IMMP2L: variants seen among roughly 807,000 people sequenced by gnomAD.
IMMP2L encodes inner mitochondrial membrane peptidase subunit 2.
In IMMP2L, 18 loss-of-function variants were observed where a neutral mutation model predicts 19.3. The observed-to-expected ratio is 0.93, with a 90% CI of 0.64 to 1.38. The LOEUF (loss-of-function observed/expected upper bound fraction) is 1.38. IMMP2L is among the 40% of genes most tolerant of loss of function. The pLI is 0.00. For synonymous variants in IMMP2L, 76 were observed against 73.0 expected, an observed-to-expected ratio of 1.04 and a Z score of -0.21; for missense variants, 233 against 218.2, an observed-to-expected ratio of 1.07 and a Z score of -0.43.
intron 3 of IMMP2L, among the ~76,000 whole-genome samples, chr7:111,128,521 T>C (rs1240339873): frequency 6.6e-6 from 1 of 152,196 alleles, no homozygotes; most frequent in African/African-American, 2.4e-5. Flanking sequence ...TTCTTTAGAC[T>C]GGCTAAATTA....
intron 4 of IMMP2L, among the ~76,000 whole-genome samples, chr7:110,925,655 T>C (rs563373545): frequency 6.6e-6 from 1 of 152,178 alleles, no homozygotes; most frequent in South Asian, 2.1e-4. Context: ...GGCTATTAAG[T>C]AGTCCATGTA....
chr7:110,672,983 G>C (rs907981737), intron 5 of IMMP2L, among the ~76,000 whole-genome samples: 11 of 152,188 alleles, frequency 7.2e-5, no homozygotes, highest in Non-Finnish European at 1.3e-4. Flanking sequence ...AGTTCCACTA[G>C]GCAGTGCCCC....
chr7:110,818,175 C>T (rs1163018670), intron 5 of IMMP2L, among the ~76,000 whole-genome samples: 1 of 151,994 alleles, frequency 6.6e-6, no homozygotes, highest in African/African-American at 2.4e-5. Flanking sequence ...AGTGAACAGG[C>T]AACCTACAAA....
At position 110,758,968 on chromosome 7, in the gene IMMP2L, C is replaced by G. The variant is rs369131216; in HGVS notation, c.409-95247G>C. On this transcript the variant is annotated intron_variant, in intron 5 of 5. Coordinates refer to ENST00000405709, the MANE Select transcript of IMMP2L (RefSeq NM_032549.4). This position sits in a 1 kb window ranked among gnomAD's most constrained non-coding sequence, Gnocchi z 4.6. The stretch of plus-strand genomic sequence containing the variant: ...GGAGATCTTTTCACAGTCTGTTACC[C>G]GATTTTGTTAACCTTAAATTTCCTC... 1.3e-5 allele frequency among the ~76,000 whole-genome samples: 2 copies of G among 151,564 alleles called. No homozygotes were observed. The highest frequency in any genetic ancestry group is 4.9e-5 in the African/African-American group (2 of 41,196).
At chr7:111,299,161 C>G (rs964103456) in intron 3 of IMMP2L, among the ~76,000 whole-genome samples, 9 of 152,116 alleles carry the variant, frequency 5.9e-5, no homozygotes, top group African/African-American at 2.2e-4. Context: ...GGCACCAAGA[C>G]AGGGTACAGT....
chr7:111,418,736 A>T (rs1221615608), intron 3 of IMMP2L, among the ~76,000 whole-genome samples: 1 of 136,216 alleles, frequency 7.3e-6, no homozygotes, highest in African/African-American at 2.5e-5. Flanking sequence ...TTAAGAAAAT[A>T]AAAAATACAC....
At chr7:111,019,823 G>A (rs906274423) in intron 3 of IMMP2L, among the ~76,000 whole-genome samples, 2 of 152,040 alleles carry the variant, frequency 1.3e-5, no homozygotes, top group Admixed American at 1.3e-4. Flanking sequence ...GGAAGTAAGG[G>A]CATAAATTGA....
At position 110,758,592 on chromosome 7, in the gene IMMP2L, C is replaced by T. The variant is rs6466359; in HGVS notation, c.409-94871G>A. 0.96 allele frequency among the ~76,000 whole-genome samples: 146,124 copies of T among 152,146 alleles called. 70,187 individuals carry two copies. The highest frequency in any genetic ancestry group is 0.98 in the East Asian group (5,021 of 5,146). ...GGGCATGTGACATTGAGCTATTTAG[C>T]AGATAATAATCAATCAATATTGACT... On this transcript the variant is annotated intron_variant, in intron 5 of 5. Coordinates refer to ENST00000405709, the MANE Select transcript of IMMP2L (RefSeq NM_032549.4). This position sits in a 1 kb window ranked among gnomAD's most constrained non-coding sequence, Gnocchi z 4.6.
intron 3 of IMMP2L, among the ~76,000 whole-genome samples, chr7:111,225,639 A>C (rs556572737): frequency 1.3e-5 from 2 of 151,778 alleles, no homozygotes; most frequent in South Asian, 4.2e-4. Flanking sequence ...TTATCCATCA[A>C]AAGTGCTATA....
At chr7:111,258,560 G>A (rs2129654538) in intron 3 of IMMP2L, among the ~76,000 whole-genome samples, 1 of 152,092 alleles carries the variant, frequency 6.6e-6, no homozygotes, top group South Asian at 2.1e-4. Context: ...AGGCTGGAAT[G>A]CAATGGCATG....
intron 5 of IMMP2L, among the ~76,000 whole-genome samples, chr7:110,696,946 A>T (rs955720450): frequency 6.6e-6 from 1 of 152,150 alleles, no homozygotes; most frequent in Non-Finnish European, 1.5e-5. Flanking sequence ...AATAAACAGC[A>T]ATAAAGCCTG....
At chr7:110,868,175 G>A (rs1271435136) in intron 5 of IMMP2L, among the ~76,000 whole-genome samples, 1 of 143,732 alleles carries the variant, frequency 7.0e-6, no homozygotes, top group African/African-American at 2.6e-5. Context: ...GATACGGAGA[G>A]ACAAGCATGA....
At chr7:111,344,918 AG>A (rs1827383403) in intron 3 of IMMP2L, among the ~76,000 whole-genome samples, 1 of 152,140 alleles carries the variant, frequency 6.6e-6, no homozygotes, top group Admixed American at 6.6e-5. Flanking sequence ...TAAAGGCACC[AG>A]GAAGAGGCCA....
chr7:111,145,718 A>G (rs1803397688), intron 3 of IMMP2L, among the ~76,000 whole-genome samples: 1 of 152,132 alleles, frequency 6.6e-6, no homozygotes, highest in African/African-American at 2.4e-5. Context: ...CTTAAGTAAT[A>G]CTAAGGGACT....
intron 5 of IMMP2L, among the ~76,000 whole-genome samples, chr7:110,872,904 G>A (rs1410005973): frequency 1.3e-5 from 2 of 152,192 alleles, no homozygotes; most frequent in Admixed American, 1.3e-4. Context: ...GAAGGCCTTG[G>A]AGTGGAAGCA....
chr7:110,977,541 G>A (rs1041250092), intron 3 of IMMP2L, among the ~76,000 whole-genome samples: 8 of 151,884 alleles, frequency 5.3e-5, no homozygotes, highest in East Asian at 1.9e-4. Context: ...TGAACTTCTC[G>A]CTTCTAAGAT....
At chr7:110,666,484 C>A (rs1298988209) in intron 5 of IMMP2L, among the ~76,000 whole-genome samples, 1 of 151,948 alleles carries the variant, frequency 6.6e-6, no homozygotes, top group East Asian at 1.9e-4. Flanking sequence ...CCATGTTGGC[C>A]AGGATGGTCT....
intron 5 of IMMP2L, among the ~76,000 whole-genome samples, chr7:110,787,137 A>G (rs964921148): frequency 6.6e-6 from 1 of 152,034 alleles, no homozygotes; most frequent in African/African-American, 2.4e-5. Flanking sequence ...CATAGTTACC[A>G]TGATAATGAC....
chr7:111,238,472 A>C (rs553189615), intron 3 of IMMP2L, among the ~76,000 whole-genome samples: 1 of 152,188 alleles, frequency 6.6e-6, no homozygotes, highest in Non-Finnish European at 1.5e-5. Flanking sequence ...ATATTATAAA[A>C]GCCAGGAAGA....
Sources: allele counts gnomAD v4.1 joint callset (sites outside exome capture counted in the v4.1 genomes callset), GRCh38; gene constraint gnomAD v4.1.1; non-coding constraint Gnocchi (gnomAD v3.1); transcripts MANE v1.5; gene names NCBI Gene and HGNC (gene_info 2026-07-23, HGNC 2026-07-21).